The following MYOM1 variants were observed in gnomAD, a reference collection of about 807,000 sequenced individuals.
MYOM1 encodes the protein myomesin 1.
Under a neutral mutation model 205.3 loss-of-function variants are expected in MYOM1, and 164 were observed. That is an observed-to-expected ratio of 0.80 (90% CI 0.70 to 0.91). The LOEUF (loss-of-function observed/expected upper bound fraction) is 0.91. Among genes scored for constraint, MYOM1 ranks in the 40% least tolerant of loss-of-function variants. The pLI, the probability that MYOM1 is intolerant of heterozygous loss-of-function variation, is 0.00. For missense variants in MYOM1, 2,011 were observed against 2,127.3 expected, an observed-to-expected ratio of 0.95 and a Z score of 1.08; for synonymous variants, 772 against 789.4, an observed-to-expected ratio of 0.98 and a Z score of 0.37.
At chr18:3,232,864 C>A in the MYOM1 span, among the ~76,000 whole-genome samples, 1 of 152,188 alleles carries the variant, frequency 6.6e-6, no homozygotes, top group African/African-American at 2.4e-5. Context: ...TTGAGCACTG[C>A]AGTTTTAAAT....
chr18:3,079,832 A>G (rs752542373), intron 33 of MYOM1, among the ~76,000 whole-genome samples: 1 of 152,194 alleles, frequency 6.6e-6, no homozygotes, highest in Non-Finnish European at 1.5e-5. Context: ...AGCTATTTAA[A>G]ACAGATAAAT....
rs374904841 is a variant in MYOM1 at position 3,067,398 on chromosome 18, G to A, written c.4922C>T (p.Ser1641Leu). 10 of 1,613,300 alleles carry A rather than the reference G, an allele frequency of 6.2e-6. No homozygotes were observed. In the East Asian group the frequency reaches 6.7e-5, roughly 11 times the overall value. The change falls in exon 38 of 38, where the codon TCG (serine) becomes TTG (leucine). Residue 1641 changes from serine to leucine, a missense_variant. Transcript: ENST00000356443. ...FTINGVSTAD[S>L]GKYGLVVKNK... is the part of the protein sequence containing the mutation. ...CTTCACAACCAGCCCGTATTTGCCCGAGTCAGCGGTGCTCACGCCGTTGAT... is the reference window on the plus strand; with the variant it reads ...CTTCACAACCAGCCCGTATTTGCCCAAGTCAGCGGTGCTCACGCCGTTGAT...
intron 36 of MYOM1, among the ~76,000 whole-genome samples, chr18:3,074,713 G>A (rs73371148): frequency 0.013 from 2,000 of 152,252 alleles, 37 homozygotes; most frequent in African/African-American, 0.041. Context: ...CTTTTATCTC[G>A]CAGGGGCTCC....
rs746164127 is a variant in MYOM1, at chr18:3,075,707, C to T, written c.4685+18G>A. On this transcript the variant is annotated intron_variant, in intron 35 of 37. Coordinates refer to ENST00000356443, the MANE Select transcript of MYOM1 (RefSeq NM_003803.4). ...AATTAGTGCATGCAAGTGGCATTTG[C>T]TAGGACCAGGGACTTACTTCAACCT... 1 of 1,602,758 alleles carries T rather than the reference C, an allele frequency of 6.2e-7. No homozygotes were observed. The highest frequency in any genetic ancestry group is 2.2e-5 in the East Asian group (1 of 44,612).
intron 1 of MYOM1, among the ~76,000 whole-genome samples, chr18:3,215,780 A>C (rs1054586592): frequency 1.3e-5 from 2 of 151,996 alleles, no homozygotes; most frequent in African/African-American, 4.8e-5. Flanking sequence ...TCCTAGAAAA[A>C]CAAAGTTTTT....
At chr18:3,081,178 C>T (rs1164029461) in intron 33 of MYOM1, among the ~76,000 whole-genome samples, 1 of 151,880 alleles carries the variant, frequency 6.6e-6, no homozygotes, top group Non-Finnish European at 1.5e-5. Context: ...TTGTCCTCTG[C>T]TTTGCTATAA....
At chr18:3,202,657 C>T (rs887680812) in intron 2 of MYOM1, among the ~76,000 whole-genome samples, 1 of 151,856 alleles carries the variant, frequency 6.6e-6, no homozygotes, top group East Asian at 1.9e-4. Context: ...CCCCAAAATA[C>T]ATAAAGCAAA....
At chr18:3,122,689 T>C (rs1293641924) in intron 19 of MYOM1, among the ~76,000 whole-genome samples, 1 of 152,202 alleles carries the variant, frequency 6.6e-6, no homozygotes, top group South Asian at 2.1e-4. Flanking sequence ...AGAGTATATA[T>C]AGTATCCAAG....
intron 16 of MYOM1, among the ~76,000 whole-genome samples, chr18:3,131,738 C>A (rs2079878739): frequency 6.6e-6 from 1 of 151,698 alleles, no homozygotes; most frequent in Non-Finnish European, 1.5e-5. Flanking sequence ...AAGCAGCATG[C>A]CCAGCTAATA....
At chr18:3,195,465 C>G (rs569800024) in intron 2 of MYOM1, among the ~76,000 whole-genome samples, 1 of 152,278 alleles carries the variant, frequency 6.6e-6, no homozygotes, top group East Asian at 1.9e-4. Context: ...ACAGGCTGTG[C>G]TTATACAGGT....
chr18:3,224,454 G>A (rs1176953273), upstream of MYOM1, among the ~76,000 whole-genome samples: 1 of 152,218 alleles, frequency 6.6e-6, no homozygotes, highest in East Asian at 1.9e-4. Context: ...GTTTTGGAAA[G>A]GGGAAGAAGT....
chr18:3,135,400 T>C lies in MYOM1; in HGVS notation c.2209+147A>G. 1 of 612,300 alleles carries C rather than the reference T, an allele frequency of 1.6e-6. No individual in the cohort carries two copies. Among genetic ancestry groups the C allele is most frequent in the Non-Finnish European group, 2.6e-6 (1 of 379,256 alleles). 37.9% of individuals were successfully genotyped at this position (612,300 alleles called of 1,614,324 possible). ...CATAAACAAAAATAATGAATTTTTG[T>C]TTAATGTATAGGTTAAGTACAGCCA... On this transcript the variant is annotated intron_variant, in intron 15 of 37. Transcript: ENST00000356443. The surrounding 1 kb of genome is among the most constrained non-coding windows in gnomAD (Gnocchi z 4.1).
At chr18:3,235,662 A>G in the MYOM1 span, among the ~76,000 whole-genome samples, 1 of 152,238 alleles carries the variant, frequency 6.6e-6, no homozygotes, top group African/African-American at 2.4e-5. Context: ...TTTAGTAAAC[A>G]AAGCAGCCAA....
At chr18:3,184,245 C>T (rs1300047942) in intron 5 of MYOM1, among the ~76,000 whole-genome samples, 1 of 152,146 alleles carries the variant, frequency 6.6e-6, no homozygotes, top group African/African-American at 2.4e-5. Context: ...GGAATATATA[C>T]TAATCCTATC....
chr18:3,168,341 T>C (rs1598739011), intron 9 of MYOM1, among the ~76,000 whole-genome samples: 1 of 151,698 alleles, frequency 6.6e-6, no homozygotes, highest in Non-Finnish European at 1.5e-5. Flanking sequence ...CCAGGCGGAG[T>C]GCAATGGCGC....
intron 10 of MYOM1, among the ~76,000 whole-genome samples, chr18:3,158,232 T>C (rs1163154866): frequency 6.6e-6 from 1 of 152,228 alleles, no homozygotes; most frequent in Non-Finnish European, 1.5e-5. Flanking sequence ...TATAGTTTCA[T>C]GTAAGCTGTT....
At chr18:3,119,344 T>C (rs1291571058) in intron 20 of MYOM1, among the ~76,000 whole-genome samples, 1 of 152,116 alleles carries the variant, frequency 6.6e-6, no homozygotes, top group African/African-American at 2.4e-5. Context: ...CCATGTGATA[T>C]GATGAAGAGC....
chr18:3,123,827 A>ATTTTTTTTTTTTTT (rs5822739), intron 19 of MYOM1, among the ~76,000 whole-genome samples: 1 of 147,382 alleles, frequency 6.8e-6, no homozygotes, highest in African/African-American at 2.6e-5. Context: ...ATTTTTATTT[A>ATTTTTTTTTTTTTT]TTTATTTTTT....
At chr18:3,084,980 A>G in intron 31 of MYOM1, 65 bp downstream of exon 31, 6 of 1,240,712 alleles carry the variant, frequency 4.8e-6, no homozygotes, top group South Asian at 1.5e-5. Context: ...CTCGGCCTCA[A>G]TCATCATTCT....
Sources: allele counts gnomAD v4.1 joint callset (sites outside exome capture counted in the v4.1 genomes callset), GRCh38; gene constraint gnomAD v4.1.1; non-coding constraint Gnocchi (gnomAD v3.1); transcripts MANE v1.5; gene names NCBI Gene and HGNC (gene_info 2026-07-23, HGNC 2026-07-21).